Variants in ATP2B2 observed in about 807,000 individuals in gnomAD.
The protein encoded by ATP2B2 is plasma membrane calcium-transporting ATPase 2.
ATP2B2 carries 15 observed loss-of-function variants against 120.0 expected under a neutral mutation model. That is an observed-to-expected ratio of 0.12 (90% confidence interval 0.08 to 0.19). The LOEUF (loss-of-function observed/expected upper bound fraction) is 0.19, where lower values mean the gene tolerates loss of function less well. Among genes scored for constraint, ATP2B2 ranks in the 10% least tolerant of loss-of-function variants. The pLI, the probability that ATP2B2 is intolerant of heterozygous loss-of-function variation, is 1.00. For synonymous variants in ATP2B2, 694 were observed against 700.3 expected (o/e 0.99, Z 0.14); for missense variants, 1,045 against 1,719.8 (o/e 0.61, Z 6.94).
intron 1 of ATP2B2, among the ~76,000 whole-genome samples, chr3:10,646,089 C>G (rs2070314391): frequency 6.6e-6 from 1 of 152,216 alleles, no homozygotes; most frequent in African/African-American, 2.4e-5. Context: ...TCATCCAAAG[C>G]CCACTCCTTC....
chr3:10,576,746 C>A (rs890038377), intron 2 of ATP2B2, among the ~76,000 whole-genome samples: 5 of 151,830 alleles, frequency 3.3e-5, no homozygotes, highest in Non-Finnish European at 5.9e-5. Flanking sequence ...CTTGGCATAA[C>A]GTGGGAGGCT....
At chr3:10,387,956 T>C (rs1477281406) in intron 6 of ATP2B2, 2 of 385,782 alleles carry the variant, frequency 5.2e-6, no homozygotes, top group Non-Finnish European at 9.9e-6. Flanking sequence ...GGAGTGATGA[T>C]GGGACCAATT....
rs568370301 is a variant in ATP2B2 at position 10,685,931 on chromosome 3, C to T, written c.-460+21984G>A. Among the ~76,000 whole-genome samples the T allele has an allele frequency of 3.9e-5, 6 of 152,248 alleles. No individual in the cohort carries two copies. In the South Asian group the frequency reaches 1.2e-3, roughly 32 times the overall value. Reference sequence around the variant, plus strand: ...ACCTTCAATCAAATGAATCCATTTGCAGCAGGGGTGACTGTTTTAATGTGT... The same window carrying T: ...ACCTTCAATCAAATGAATCCATTTGTAGCAGGGGTGACTGTTTTAATGTGT... On this transcript the variant is annotated intron_variant, in intron 1 of 21. Transcript: ENST00000646379.
At chr3:10,440,156 G>GT (rs1337585819) in intron 2 of ATP2B2, among the ~76,000 whole-genome samples, 1 of 146,958 alleles carries the variant, frequency 6.8e-6, no homozygotes, top group East Asian at 2.1e-4. Context: ...CTGGTTCATG[G>GT]TGGTGGGTGA....
At chr3:10,392,703 G>C (rs572941611) in intron 5 of ATP2B2, among the ~76,000 whole-genome samples, 1 of 152,342 alleles carries the variant, frequency 6.6e-6, no homozygotes, top group East Asian at 1.9e-4. Flanking sequence ...ACGGGGAGGG[G>C]TAGAGAGAGA....
At chr3:10,452,855 T>A (rs981401642) in intron 1 of ATP2B2, among the ~76,000 whole-genome samples, 6 of 152,212 alleles carry the variant, frequency 3.9e-5, no homozygotes, top group Non-Finnish European at 8.8e-5. Flanking sequence ...GAGGCCTCAG[T>A]CCTTGACGCT....
upstream of ATP2B2, among the ~76,000 whole-genome samples, chr3:10,507,076 G>T (rs1376290215): frequency 6.6e-6 from 1 of 152,194 alleles, no homozygotes; most frequent in Non-Finnish European, 1.5e-5. Context: ...TTAGCCCGCA[G>T]GGTGGCCTCA....
intron 3 of ATP2B2, among the ~76,000 whole-genome samples, chr3:10,410,142 CT>C (rs1160809819): frequency 6.6e-6 from 1 of 151,960 alleles, no homozygotes; most frequent in South Asian, 2.1e-4. Flanking sequence ...GTTTCCTCAT[CT>C]TTTTTTTATA....
intron 2 of ATP2B2, among the ~76,000 whole-genome samples, chr3:10,589,456 A>G (rs1170861499): frequency 6.6e-6 from 1 of 152,206 alleles, no homozygotes; most frequent in African/African-American, 2.4e-5. Context: ...ACACTGGAAG[A>G]GATGAGCCTG....
At chr3:10,594,988 C>T (rs1038648591) in intron 2 of ATP2B2, among the ~76,000 whole-genome samples, 15 of 152,214 alleles carry the variant, frequency 9.9e-5, no homozygotes, top group African/African-American at 3.6e-4. Context: ...ATGCAGCAAC[C>T]ACCATCAATT....
chr3:10,658,691 C>T (rs1248596380), intron 1 of ATP2B2, among the ~76,000 whole-genome samples: 2 of 152,060 alleles, frequency 1.3e-5, no homozygotes, highest in African/African-American at 4.8e-5. Flanking sequence ...TCCAGGAGAA[C>T]TTCCCCAACC....
intron 3 of ATP2B2, among the ~76,000 whole-genome samples, chr3:10,409,307 T>G (rs1301769978): frequency 6.6e-6 from 1 of 152,260 alleles, no homozygotes; most frequent in Non-Finnish European, 1.5e-5. Flanking sequence ...ATATTTTTCC[T>G]CCTTGTTGAT....
At chr3:10,489,248 G>A (rs983668856) in intron 1 of ATP2B2, among the ~76,000 whole-genome samples, 4 of 152,062 alleles carry the variant, frequency 2.6e-5, no homozygotes, top group Admixed American at 6.5e-5. Context: ...TCTCCTTGAC[G>A]ATCCACTCAT....
chr3:10,527,470 G>C (rs1394130604), intron 3 of ATP2B2, among the ~76,000 whole-genome samples: 1 of 152,198 alleles, frequency 6.6e-6, no homozygotes, highest in East Asian at 1.9e-4. Context: ...GCCCTCTGGA[G>C]GGAGCACTCC....
At chr3:10,644,718 T>C (rs1322393568) in intron 1 of ATP2B2, among the ~76,000 whole-genome samples, 2 of 152,114 alleles carry the variant, frequency 1.3e-5, no homozygotes, top group Non-Finnish European at 2.9e-5. Flanking sequence ...AGAATGAGGA[T>C]TGGTGGTTGC....
At chr3:10,427,370 C>T (rs1184092906) in intron 2 of ATP2B2, among the ~76,000 whole-genome samples, 2 of 152,196 alleles carry the variant, frequency 1.3e-5, no homozygotes, top group Admixed American at 6.5e-5. Context: ...TTCGGACTCT[C>T]GGCATCTCCC....
At chr3:10,456,328 G>A (rs1326188600) in intron 1 of ATP2B2, among the ~76,000 whole-genome samples, 3 of 152,122 alleles carry the variant, frequency 2.0e-5, no homozygotes, top group Non-Finnish European at 4.4e-5. Flanking sequence ...TATTTTTAAG[G>A]TCACTTTTCC....
chr3:10,621,824 A>C (rs2069558571), intron 1 of ATP2B2, among the ~76,000 whole-genome samples: 2 of 152,196 alleles, frequency 1.3e-5, no homozygotes, highest in Admixed American at 6.5e-5. Context: ...GTTACATGGC[A>C]CTCACAGCAC....
chr3:10,634,016 G>A (rs551128850), intron 1 of ATP2B2, among the ~76,000 whole-genome samples: 5 of 152,256 alleles, frequency 3.3e-5, no homozygotes, highest in African/African-American at 1.2e-4. Flanking sequence ...GAGAGAGAGA[G>A]ATGCACAAGG....
Sources: allele counts gnomAD v4.1 joint callset (sites outside exome capture counted in the v4.1 genomes callset), GRCh38; gene constraint gnomAD v4.1.1; transcripts MANE v1.5; gene names NCBI Gene and HGNC (gene_info 2026-07-23, HGNC 2026-07-21).